Variants in ZNF558 observed in about 807,000 individuals in gnomAD.
ZNF558 encodes the protein zinc finger protein 558.
In ZNF558, 23 loss-of-function variants were observed where a neutral mutation model predicts 37.6. The observed-to-expected ratio is 0.61, with a 90% CI of 0.44 to 0.87. The LOEUF is 0.87. Among genes scored for constraint, ZNF558 ranks in the 40% least tolerant of loss-of-function variants. The pLI, the probability that ZNF558 is intolerant of heterozygous loss-of-function variation, is 0.00. For synonymous variants in ZNF558, 189 were observed against 174.4 expected (o/e 1.08, Z -0.66); for missense variants, 429 against 483.7 (o/e 0.89, Z 1.06).
At chr19:8,816,861 A>G (rs2145216862) in intron 7 of ZNF558, among the ~76,000 whole-genome samples, 1 of 152,376 alleles carries the variant, frequency 6.6e-6, no homozygotes, top group South Asian at 2.1e-4. Flanking sequence ...TGGGCACACA[A>G]TGCATACAGA....
chr19:8,827,261 T>C (rs1446692137), intron 2 of ZNF558, among the ~76,000 whole-genome samples: 1 of 152,202 alleles, frequency 6.6e-6, no homozygotes, highest in Admixed American at 6.5e-5. Flanking sequence ...ATGGAAATGT[T>C]CTATAATTCT....
intron 6 of ZNF558, 88 bp from the exon 7 acceptor site, chr19:8,821,394 T>C: frequency 3.7e-6 from 6 of 1,612,464 alleles, no homozygotes; most frequent in Non-Finnish European, 5.1e-6. Flanking sequence ...GAGCCAGGGC[T>C]GGGGAAACCT....
chr19:8,828,547 A>G lies in ZNF558; in HGVS notation c.-509+2771T>C, dbSNP rs147840821. ...AGAAAAATCTTTGAATCTACCTATG[A>G]CAAGCTCCTGCTTCAAGACATCCTT... On this transcript the variant is annotated intron_variant, in intron 2 of 9. Transcript: ENST00000601372. Among the ~76,000 whole-genome samples the G allele has an allele frequency of 3.9e-5, 6 of 152,312 alleles. No individual in the cohort carries two copies. The East Asian group carries it at 9.7e-4, about 25-fold the overall frequency.
intron 7 of ZNF558, among the ~76,000 whole-genome samples, chr19:8,813,884 G>A (rs1452364614): frequency 4.6e-5 from 7 of 152,184 alleles, no homozygotes; most frequent in African/African-American, 7.2e-5. Flanking sequence ...ATTAGAGACT[G>A]CCCATGAGGG....
chr19:8,810,191 T>C lies in ZNF558; in HGVS notation c.*1090A>G, dbSNP rs2043750455. 6.6e-6 allele frequency: 1 copy of C among 152,232 alleles called. No homozygotes were observed. The highest frequency in any genetic ancestry group is 2.4e-5 in the African/African-American group (1 of 41,464). 9.4% of individuals were successfully genotyped at this position (152,232 alleles called of 1,614,324 possible). ...AATATTGATGATGTTCAATGGGGCA[T>C]TCTCTCCAGAATTAATTCTCAAGTC... On this transcript the variant is annotated 3_prime_UTR_variant, in exon 10 of 10. Coordinates refer to ENST00000601372, the MANE Select transcript of ZNF558 (RefSeq NM_144693.3).
intron 7 of ZNF558, among the ~76,000 whole-genome samples, chr19:8,815,633 T>A (rs1447700831): frequency 1.3e-5 from 2 of 151,846 alleles, no homozygotes; most frequent in African/African-American, 2.4e-5. Flanking sequence ...ATTAAAAAAA[T>A]TAGCTGGGCA....
rs138710234 is a variant in ZNF558 at position 8,819,666 on chromosome 19, G to A, written c.247+1514C>T. Among the ~76,000 whole-genome samples the A allele has an allele frequency of 5.8e-4, 89 of 152,244 alleles. 2 individuals carry two copies. The East Asian group carries it at 9.3e-3, about 16-fold the overall frequency. ...AAAACATGGGCAGAGGACTGGGAGC[G>A]GTGGCTCACACTTGTAATGCCAGCA... On this transcript the variant is annotated intron_variant, in intron 7 of 9. Transcript: ENST00000601372.
At position 8,821,246 on chromosome 19, in the gene ZNF558, C is replaced by A; in HGVS notation, c.181G>T (p.Asp61Tyr). 6.2e-7 allele frequency: 1 copy of A among 1,614,186 alleles called. No homozygotes were observed. Among genetic ancestry groups the A allele is most frequent in the East Asian group, 2.2e-5 (1 of 44,888 alleles). ...EFTQEEWALL[D>Y]PAQRTLYRDV... Reference sequence around the variant, plus strand: ...CTGTACAGTGTCCTTTGGGCAGGGTCCAGCAACGCCCACTCCTCCTGGGTG... The same window carrying A: ...CTGTACAGTGTCCTTTGGGCAGGGTACAGCAACGCCCACTCCTCCTGGGTG... The change falls in exon 7 of 10, where the codon GAC (aspartate) becomes TAC (tyrosine). Residue 61 changes from aspartate (D) to tyrosine (Y), a missense_variant. Transcript: ENST00000601372.
At chr19:8,818,459 T>A (rs972650022) in intron 7 of ZNF558, among the ~76,000 whole-genome samples, 17 of 151,910 alleles carry the variant, frequency 1.1e-4, no homozygotes, top group African/African-American at 3.6e-4. Flanking sequence ...TCAAAAAAAA[T>A]AATAAAGTTA....
At chr19:8,825,755 A>C (rs893574446) in intron 2 of ZNF558, among the ~76,000 whole-genome samples, 1 of 151,866 alleles carries the variant, frequency 6.6e-6, no homozygotes, top group African/African-American at 2.4e-5. Flanking sequence ...ATCAAGTTGG[A>C]GGGAGTCTTT....
At chr19:8,827,727 C>T (rs2044265074) in intron 2 of ZNF558, among the ~76,000 whole-genome samples, 1 of 152,050 alleles carries the variant, frequency 6.6e-6, no homozygotes. Context: ...GTGTGCACCA[C>T]CACACCCAGC....
the ZNF558 span, among the ~76,000 whole-genome samples, chr19:8,837,385 T>C: frequency 1.3e-5 from 2 of 152,252 alleles, no homozygotes; most frequent in African/African-American, 4.8e-5. Flanking sequence ...ACAATGTCAA[T>C]GTACATTTAG....
Position 8,813,107 on chromosome 19 carries a change from C to G in ZNF558, c.343+20G>C. On this transcript the variant is annotated intron_variant, in intron 8 of 9. Transcript: ENST00000601372. ...GCCAGAGCTATTCCTCACAAGGGCT[C>G]ATATCCACCTGGTGCTCACCTGGAC... 1 of 1,559,538 alleles carries G rather than the reference C, an allele frequency of 6.4e-7. No individual in the cohort carries two copies. Among genetic ancestry groups the G allele is most frequent in the Non-Finnish European group, 8.7e-7 (1 of 1,146,722 alleles).
intron 7 of ZNF558, among the ~76,000 whole-genome samples, chr19:8,819,576 G>A (rs549603885): frequency 6.6e-6 from 1 of 152,292 alleles, no homozygotes; most frequent in South Asian, 2.1e-4. Flanking sequence ...TTTTGAATAA[G>A]GATTTGGTAC....
chr19:8,827,670 T>C (rs2044263907), intron 2 of ZNF558, among the ~76,000 whole-genome samples: 1 of 148,400 alleles, frequency 6.7e-6, no homozygotes, highest in Admixed American at 7.1e-5. Flanking sequence ...GCCTCCCAGG[T>C]TCAAGCAATT....
rs565614903 is a variant in ZNF558, at chr19:8,807,691, C to T, written c.*3590G>A. 1.3e-5 allele frequency: 2 copies of T among 152,240 alleles called. No homozygotes were observed. The highest frequency in any genetic ancestry group is 4.1e-4 in the South Asian group (2 of 4,828). 9.4% of individuals were successfully genotyped at this position (152,240 alleles called of 1,614,324 possible). A position where few individuals can be genotyped will look rare whatever the true frequency, so the allele number is the denominator to read the frequency against. On this transcript the variant is annotated 3_prime_UTR_variant, in exon 10 of 10. Transcript: ENST00000601372. ...CTCCTTACCAAGAGGCTTTCTTTTC[C>T]TAGTTATATAAAATTATTATTCCCA...
rs1820098 is a variant in ZNF558, at chr19:8,826,283, T to A, written c.-508-1175A>T. On this transcript the variant is annotated intron_variant, in intron 2 of 9. Coordinates refer to ENST00000601372, the MANE Select transcript of ZNF558 (RefSeq NM_144693.3). ...TGGGCAGGGAATGGTTTCAGGATGA[T>A]GTTTTATAAGCACATTACATTTATT... is the stretch of plus-strand genomic sequence containing the variant. Among the ~76,000 whole-genome samples the A allele has an allele frequency of 2.4e-4, 36 of 152,172 alleles. No individual in the cohort carries two copies. The East Asian group carries it at 4.3e-3, about 18-fold the overall frequency.
chr19:8,821,071 T>C, intron 7 of ZNF558, 109 bp downstream of exon 7: 2 of 1,471,176 alleles, frequency 1.4e-6, no homozygotes, highest in Non-Finnish European at 1.8e-6. Context: ...TGGTTAAAAA[T>C]GGTGAATTTT....
rs2044179398 is a variant in ZNF558, at chr19:8,824,267, G to A, written c.-251C>T. The A allele has an allele frequency of 6.6e-6, 1 of 152,228 alleles. No homozygotes were observed. Among genetic ancestry groups the A allele is most frequent in the African/African-American group, 2.4e-5 (1 of 41,434 alleles). 9.4% of individuals were successfully genotyped at this position (152,228 alleles called of 1,614,324 possible). On this transcript the variant is annotated 5_prime_UTR_variant, in exon 4 of 10. Coordinates refer to ENST00000601372, the MANE Select transcript of ZNF558 (RefSeq NM_144693.3). ...CCCTGTGGAGAGGCCTATGTGGAGA[G>A]GAACTGAGGCCTCCCACCGACGGCC... is the stretch of plus-strand genomic sequence containing the variant.
Sources: allele counts gnomAD v4.1 joint callset (sites outside exome capture counted in the v4.1 genomes callset), GRCh38; gene constraint gnomAD v4.1.1; transcripts MANE v1.5; gene names NCBI Gene and HGNC (gene_info 2026-07-23, HGNC 2026-07-21).